Variants in ATP13A4 observed in about 807,000 individuals in gnomAD.
The protein encoded by ATP13A4 is ATPase 13A4.
ATP13A4 carries 114 observed loss-of-function variants against 142.5 expected under a neutral mutation model. The observed-to-expected ratio is 0.80, with a 90% CI of 0.69 to 0.93. The LOEUF is 0.93. Among genes scored for constraint, ATP13A4 ranks in the 40% least tolerant of loss-of-function variants. The pLI is 0.00. For missense variants in ATP13A4, 1,392 were observed against 1,454.0 expected (o/e 0.96, Z 0.69); for synonymous variants, 488 against 514.8 (o/e 0.95, Z 0.70).
chr3:193,564,517 G>T (rs933477652), intron 2 of ATP13A4, among the ~76,000 whole-genome samples: 3 of 152,214 alleles, frequency 2.0e-5, no homozygotes, highest in Non-Finnish European at 2.9e-5. Context: ...GGATTAACAG[G>T]TGGAAACTGG....
At chr3:193,549,622 G>C (rs562820667) in intron 1 of ATP13A4, among the ~76,000 whole-genome samples, 10 of 152,098 alleles carry the variant, frequency 6.6e-5, no homozygotes, top group African/African-American at 2.2e-4. Flanking sequence ...TTGGGTCCAG[G>C]AGTTTCAGAC....
intron 18 of ATP13A4, among the ~76,000 whole-genome samples, chr3:193,447,192 G>A (rs1392245559): frequency 6.6e-6 from 1 of 152,166 alleles, no homozygotes; most frequent in Non-Finnish European, 1.5e-5. Flanking sequence ...TCATCTAAGT[G>A]CTAAATAAAG....
intron 14 of ATP13A4, 49 bp from the exon 15 acceptor site, chr3:193,457,514 C>T: frequency 3.2e-6 from 5 of 1,541,290 alleles, no homozygotes; most frequent in Non-Finnish European, 4.5e-6. Flanking sequence ...TTATTGTTTG[C>T]CCACTGATGC....
intron 5 of ATP13A4, among the ~76,000 whole-genome samples, chr3:193,492,418 C>A (rs978315188): frequency 6.6e-6 from 1 of 152,172 alleles, no homozygotes; most frequent in Non-Finnish European, 1.5e-5. Flanking sequence ...TGCCTAATAA[C>A]TGATTTGGAA....
At chr3:193,477,493 A>G (rs529045883) in intron 8 of ATP13A4, among the ~76,000 whole-genome samples, 1 of 152,218 alleles carries the variant, frequency 6.6e-6, no homozygotes, top group Admixed American at 6.5e-5. Flanking sequence ...TTTAAAAGGT[A>G]AAAATTCACT....
intron 28 of ATP13A4, among the ~76,000 whole-genome samples, chr3:193,410,000 T>G (rs574967346): frequency 4.6e-5 from 7 of 152,346 alleles, no homozygotes; most frequent in African/African-American, 1.4e-4. Flanking sequence ...TTAAAAGAGC[T>G]GTTTCTTTAG....
intron 25 of ATP13A4, among the ~76,000 whole-genome samples, chr3:193,416,486 A>C (rs1246432181): frequency 6.6e-6 from 1 of 152,184 alleles, no homozygotes; most frequent in Non-Finnish European, 1.5e-5. Context: ...GTCAGTAAAA[A>C]GATAAAAATT....
At chr3:193,469,028 C>T (rs1325050903) in intron 9 of ATP13A4, among the ~76,000 whole-genome samples, 5 of 152,000 alleles carry the variant, frequency 3.3e-5, no homozygotes, top group Admixed American at 1.3e-4. Context: ...GAGGCCTGGA[C>T]GAGAGATATT....
At chr3:193,499,856 C>T (rs1720442353) in intron 3 of ATP13A4, among the ~76,000 whole-genome samples, 5 of 152,150 alleles carry the variant, frequency 3.3e-5, no homozygotes, top group Admixed American at 2.0e-4. Context: ...CATGAAACAT[C>T]TGTAGATGAA....
chr3:193,586,156 G>C (rs1299411986), intron 1 of ATP13A4, among the ~76,000 whole-genome samples: 1 of 151,866 alleles, frequency 6.6e-6, no homozygotes, highest in African/African-American at 2.4e-5. Flanking sequence ...TGCAATGTCT[G>C]CATTTTTGCC....
At chr3:193,571,505 A>G (rs1037776706) in intron 2 of ATP13A4, among the ~76,000 whole-genome samples, 3 of 152,148 alleles carry the variant, frequency 2.0e-5, no homozygotes, top group Non-Finnish European at 2.9e-5. Flanking sequence ...GTAACTTTAC[A>G]GTGGAGAAAC....
intron 1 of ATP13A4, among the ~76,000 whole-genome samples, chr3:193,541,874 T>G (rs943427271): frequency 1.1e-4 from 16 of 152,224 alleles, no homozygotes; most frequent in Non-Finnish European, 1.6e-4. Flanking sequence ...GGCAAGTTCT[T>G]TTTTCCACTT....
At chr3:193,574,670 T>C (rs1724356626) in intron 2 of ATP13A4, among the ~76,000 whole-genome samples, 1 of 152,064 alleles carries the variant, frequency 6.6e-6, no homozygotes, top group African/African-American at 2.4e-5. Context: ...GAGCCAAGAT[T>C]ACACCACTGC....
upstream of ATP13A4, among the ~76,000 whole-genome samples, chr3:193,559,192 C>T (rs1248792828): frequency 6.6e-6 from 1 of 152,084 alleles, no homozygotes; most frequent in African/African-American, 2.4e-5. Flanking sequence ...TTTGCAACAT[C>T]TCTGTGAAGT....
At chr3:193,403,069 A>G (rs1375932933) in intron 29 of ATP13A4, among the ~76,000 whole-genome samples, 1 of 152,166 alleles carries the variant, frequency 6.6e-6, no homozygotes, top group Non-Finnish European at 1.5e-5. Flanking sequence ...CCTGTGGGAG[A>G]AGTAAGAGGT....
At chr3:193,497,220 G>C (rs1421281247) in intron 3 of ATP13A4, among the ~76,000 whole-genome samples, 4 of 152,046 alleles carry the variant, frequency 2.6e-5, no homozygotes, top group Non-Finnish European at 4.4e-5. Flanking sequence ...AAAAACTCAA[G>C]AGCAACAAAA....
intron 16 of ATP13A4, among the ~76,000 whole-genome samples, chr3:193,456,294 C>T (rs1717606046): frequency 6.6e-6 from 1 of 152,152 alleles, no homozygotes; most frequent in Non-Finnish European, 1.5e-5. Flanking sequence ...TGCTATGATC[C>T]ATGCCACTGC....
At chr3:193,444,839 A>G (rs771484064) in intron 18 of ATP13A4, among the ~76,000 whole-genome samples, 28 of 152,210 alleles carry the variant, frequency 1.8e-4, no homozygotes, top group Non-Finnish European at 3.7e-4. Context: ...AAAGAGCCGA[A>G]GTGGTAGGAA....
upstream of ATP13A4, chr3:193,555,211 G>A (rs1434761872): frequency 9.8e-6 from 3 of 307,010 alleles, no homozygotes; most frequent in East Asian, 7.9e-5. Context: ...GTGAGGAGCG[G>A]GTGCAAGAAC....
Sources: allele counts gnomAD v4.1 joint callset (sites outside exome capture counted in the v4.1 genomes callset), GRCh38; gene constraint gnomAD v4.1.1; transcripts MANE v1.5; gene names NCBI Gene and HGNC (gene_info 2026-07-23, HGNC 2026-07-21).